HGD: variants seen among roughly 807,000 people sequenced by gnomAD.
The protein encoded by HGD is homogentisate oxidase.
HGD carries 61 observed loss-of-function variants against 60.8 expected under a neutral mutation model. That is an observed-to-expected ratio of 1.00 (90% CI 0.82 to 1.24). HGD has a LOEUF of 1.24. HGD is among the 50% of genes most tolerant of loss of function. HGD has a pLI of 0.00. For missense variants in HGD, 542 were observed against 547.1 expected (o/e 0.99, Z 0.09); for synonymous variants, 212 against 187.7 (o/e 1.13, Z -1.06).
chr3:120,646,077 G>C (rs577656701), intron 9 of HGD, among the ~76,000 whole-genome samples, 190 bp downstream of exon 9: 1 of 152,284 alleles, frequency 6.6e-6, no homozygotes, highest in East Asian at 1.9e-4. Context: ...GATTTATAAT[G>C]GATTGGTTTG....
chr3:120,653,882 C>G (rs1941416305), intron 4 of HGD, among the ~76,000 whole-genome samples: 1 of 152,132 alleles, frequency 6.6e-6, no homozygotes, highest in South Asian at 2.1e-4. Context: ...TTGTGGGATG[C>G]TTAGCATCAT....
rs1941184654 is a variant in HGD at position 120,646,990 on chromosome 3, C to T, written c.532G>A (p.Glu178Lys). Residue 178 changes from glutamate to lysine, a missense_variant, in exon 8 of 14, where the codon GAG becomes AAG. Glu to Lys is a moderately conservative substitution (Grantham distance 56, BLOSUM62 1). Transcript: ENST00000283871. ...TCACCAACCTGAATGACGCAGATCTCATTGGGCTGTACAAGCATCTTGCCA... is the reference window on the plus strand; with the variant it reads ...TCACCAACCTGAATGACGCAGATCTTATTGGGCTGTACAAGCATCTTGCCA... ...EFGKMLVQPN[E>K]ICVIQRGMRF... 1.2e-6 allele frequency: 2 copies of T among 1,613,908 alleles called. No homozygotes were observed. Among genetic ancestry groups the T allele is most frequent in the Non-Finnish European group, 1.7e-6 (2 of 1,179,810 alleles).
chr3:120,655,269 G>A (rs771531198), intron 4 of HGD, among the ~76,000 whole-genome samples: 2 of 152,176 alleles, frequency 1.3e-5, no homozygotes, highest in Non-Finnish European at 2.9e-5. Context: ...TAGCCCTCAA[G>A]TCATGAGAAC....
At position 120,657,644 on chromosome 3, in the gene HGD, C is replaced by A. The variant is rs1233261706; in HGVS notation, c.283-4993G>T. Among the ~76,000 whole-genome samples, 3 of 152,092 alleles carry A rather than the reference C, an allele frequency of 2.0e-5. No individual in the cohort carries two copies. The East Asian group carries it at 5.8e-4, about 29-fold the overall frequency. On this transcript the variant is annotated intron_variant, in intron 4 of 13. Coordinates refer to ENST00000283871, the MANE Select transcript of HGD (RefSeq NM_000187.4). ...GTTCTCACATTGCTATAAAGAATTA[C>A]CTGATACTGGGTAATTTATAAAGAA...
intron 3 of HGD, among the ~76,000 whole-genome samples, chr3:120,672,324 T>G (rs2107551538): frequency 6.6e-6 from 1 of 152,232 alleles, no homozygotes; most frequent in East Asian, 1.9e-4. Flanking sequence ...GATAAAGGAA[T>G]CTGAAAGGAC....
At position 120,630,847 on chromosome 3, in the gene HGD, C is replaced by T. The variant is rs962139725; in HGVS notation, c.1188+2300G>A. The stretch of plus-strand genomic sequence containing the variant: ...ATATACACATACACACACACATACA[C>T]ACACACACACACACACACACACACA... On this transcript the variant is annotated intron_variant, in intron 13 of 13. Coordinates refer to ENST00000283871, the MANE Select transcript of HGD (RefSeq NM_000187.4). Among the ~76,000 whole-genome samples the T allele has an allele frequency of 5.2e-3, 409 of 78,392 alleles. 10 individuals carry two copies. Among genetic ancestry groups the T allele is most frequent in the Admixed American group, 0.039 (348 of 8,986 alleles). The allele number at this position is 78,392 out of a possible 152,430, so 51.4% of individuals were successfully genotyped here.
chr3:120,664,823 G>T (rs150027809), intron 4 of HGD, among the ~76,000 whole-genome samples: 1 of 152,170 alleles, frequency 6.6e-6, no homozygotes, highest in Non-Finnish European at 1.5e-5. Context: ...GGACTGGAAA[G>T]AACCCAAAAC....
intron 4 of HGD, among the ~76,000 whole-genome samples, chr3:120,659,043 G>A (rs967650777): frequency 6.6e-6 from 1 of 152,224 alleles, no homozygotes; most frequent in African/African-American, 2.4e-5. Flanking sequence ...CCAAAGGTCT[G>A]TGAAATGCCT....
At chr3:120,655,954 G>T (rs1398271606) in intron 4 of HGD, among the ~76,000 whole-genome samples, 2 of 152,192 alleles carry the variant, frequency 1.3e-5, no homozygotes, top group Admixed American at 6.5e-5. Flanking sequence ...TTTAGTCCTT[G>T]ATATGCACTA....
chr3:120,644,635 T>A (rs1039503998), intron 9 of HGD, 192 bp from the exon 10 acceptor site: 1 of 1,526,524 alleles, frequency 6.6e-7, no homozygotes, highest in African/African-American at 1.4e-5. Flanking sequence ...CAGAAAAAAA[T>A]TCACAAAAAC....
At chr3:120,659,315 G>T (rs2551590) in intron 4 of HGD, among the ~76,000 whole-genome samples, 1 of 152,202 alleles carries the variant, frequency 6.6e-6, no homozygotes, top group Non-Finnish European at 1.5e-5. Flanking sequence ...TGTGGGCATA[G>T]GCGGTTAGAA....
intron 4 of HGD, among the ~76,000 whole-genome samples, chr3:120,669,599 C>T (rs1006589428): frequency 1.3e-5 from 2 of 152,162 alleles, no homozygotes; most frequent in Admixed American, 1.3e-4. Context: ...GTAACCTACT[C>T]TTGTGCCAAT....
chr3:120,639,854 C>T (rs1200703587), intron 11 of HGD, among the ~76,000 whole-genome samples: 5 of 151,482 alleles, frequency 3.3e-5, no homozygotes, highest in African/African-American at 7.3e-5. Flanking sequence ...GGTTGAGGGA[C>T]GAAATTATAC....
chr3:120,669,573 T>C (rs1256808341), intron 4 of HGD, among the ~76,000 whole-genome samples: 1 of 152,124 alleles, frequency 6.6e-6, no homozygotes, highest in Non-Finnish European at 1.5e-5. Flanking sequence ...TAGTGAACCA[T>C]AACCTAATTG....
At chr3:120,669,444 T>A (rs1707975460) in intron 4 of HGD, among the ~76,000 whole-genome samples, 1 of 115,566 alleles carries the variant, frequency 8.7e-6, no homozygotes, top group African/African-American at 3.3e-5. Context: ...TATGTGCGCA[T>A]GTGCACACAC....
At chr3:120,674,400 C>T (rs914277427) in intron 3 of HGD, among the ~76,000 whole-genome samples, 6 of 152,114 alleles carry the variant, frequency 3.9e-5, no homozygotes, top group Admixed American at 1.3e-4. Flanking sequence ...AGAGTAAAAA[C>T]CTTATTAATT....
At chr3:120,662,128 G>C (rs1707786677) in intron 4 of HGD, among the ~76,000 whole-genome samples, 1 of 152,190 alleles carries the variant, frequency 6.6e-6, no homozygotes, top group Admixed American at 6.5e-5. Flanking sequence ...GAAGTGAGTG[G>C]AGAGTCTGAA....
rs148731210 is a variant in HGD at position 120,652,990 on chromosome 3, G to C, written c.283-339C>G. Among the ~76,000 whole-genome samples the C allele has an allele frequency of 5.7e-3, 872 of 152,326 alleles. 11 individuals are homozygous for C. The highest frequency in any genetic ancestry group is 0.02 in the African/African-American group (818 of 41,582). ...TTTAACATTTTGCCCAGGCACATCA[G>C]TGAGTTTTGACTGATGCTGCTTTTC... On this transcript the variant is annotated intron_variant, in intron 4 of 13. Transcript: ENST00000283871.
chr3:120,674,676 T>C, intron 3 of HGD: 1 of 500,166 alleles, frequency 2.0e-6, no homozygotes, highest in Non-Finnish European at 3.7e-6. Context: ...ACTGGACATG[T>C]GTATTTTCCC....
Sources: allele counts gnomAD v4.1 joint callset (sites outside exome capture counted in the v4.1 genomes callset), GRCh38; gene constraint gnomAD v4.1.1; transcripts MANE v1.5; gene names NCBI Gene and HGNC (gene_info 2026-07-23, HGNC 2026-07-21).